CDH13: variants seen among roughly 807,000 people sequenced by gnomAD.
The protein encoded by CDH13 is cadherin 13.
CDH13 carries 24 observed loss-of-function variants against 63.8 expected under a neutral mutation model. The observed-to-expected ratio is 0.38, with a 90% CI of 0.27 to 0.53. CDH13 has a LOEUF of 0.53. Ranked by LOEUF, CDH13 falls within the 20% of genes least tolerant of loss-of-function variation. The pLI, the probability that CDH13 is intolerant of heterozygous loss-of-function variation, is 0.85. For synonymous variants in CDH13, 503 were observed against 355.3 expected (o/e 1.42, Z -4.67); for missense variants, 1,049 against 903.1 (o/e 1.16, Z -2.07).
At chr16:82,932,840 G>C (rs1272583865) in intron 2 of CDH13, among the ~76,000 whole-genome samples, 2 of 152,172 alleles carry the variant, frequency 1.3e-5, no homozygotes, top group South Asian at 4.1e-4. Flanking sequence ...ACAAATGTAA[G>C]ATTCCGTACT....
chr16:83,314,582 A>G (rs977684594), intron 5 of CDH13, among the ~76,000 whole-genome samples: 2 of 152,064 alleles, frequency 1.3e-5, no homozygotes, highest in Admixed American at 6.6e-5. Context: ...TATTTTTTTC[A>G]TCTACACTCT....
At chr16:83,395,499 G>C (rs1426404666) in intron 6 of CDH13, among the ~76,000 whole-genome samples, 2 of 152,096 alleles carry the variant, frequency 1.3e-5, no homozygotes, top group South Asian at 2.1e-4. Flanking sequence ...CCAGCTACTA[G>C]GTTTGACCTC....
At chr16:83,041,069 C>T (rs1022389151) in intron 3 of CDH13, among the ~76,000 whole-genome samples, 1 of 152,182 alleles carries the variant, frequency 6.6e-6, no homozygotes, top group Non-Finnish European at 1.5e-5. Context: ...GTCCACTTAA[C>T]AAACTCCAAA....
chr16:83,658,264 GT>G (rs1913073401), intron 8 of CDH13, among the ~76,000 whole-genome samples: 1 of 137,330 alleles, frequency 7.3e-6, no homozygotes, highest in African/African-American at 2.7e-5. Flanking sequence ...TCACCACCAG[GT>G]CCCGTATCCT....
At chr16:83,518,734 G>A (rs932737259) in intron 7 of CDH13, among the ~76,000 whole-genome samples, 1 of 152,060 alleles carries the variant, frequency 6.6e-6, no homozygotes, top group East Asian at 1.9e-4. Context: ...GCCTCCCAAA[G>A]TGCTGGGATT....
intron 7 of CDH13, among the ~76,000 whole-genome samples, chr16:83,496,714 G>A (rs2074153752): frequency 6.6e-6 from 1 of 152,166 alleles, no homozygotes; most frequent in Non-Finnish European, 1.5e-5. Flanking sequence ...TACCATCAGA[G>A]TGAACAGGCG....
At position 83,795,120 on chromosome 16, in the gene CDH13, G is replaced by A. The variant is rs766898431; in HGVS notation, c.*90G>A. The A allele has an allele frequency of 6.8e-5, 78 of 1,153,686 alleles. No homozygotes were observed. Among genetic ancestry groups the A allele is most frequent in the Non-Finnish European group, 9.0e-5 (73 of 809,426 alleles). 71.5% of individuals were successfully genotyped at this position (1,153,686 alleles called of 1,614,324 possible). A position where few individuals can be genotyped will look rare whatever the true frequency, so the allele number is the denominator to read the frequency against. On this transcript the variant is annotated 3_prime_UTR_variant, in exon 14 of 14. Transcript: ENST00000567109. Reference sequence around the variant, plus strand: ...CCAAATCTGAAGATTGCGGTTTACAGCTATCGAACTTCACAACTAGGCCTC... The same window carrying A: ...CCAAATCTGAAGATTGCGGTTTACAACTATCGAACTTCACAACTAGGCCTC...
chr16:82,628,360 G>T (rs1265026260), intron 1 of CDH13, among the ~76,000 whole-genome samples: 1 of 152,182 alleles, frequency 6.6e-6, no homozygotes. Flanking sequence ...AGGCTCAGGT[G>T]AGAGTTTGCG....
At chr16:82,803,632 T>C (rs2036985730) in intron 1 of CDH13, among the ~76,000 whole-genome samples, 1 of 152,154 alleles carries the variant, frequency 6.6e-6, no homozygotes, top group African/African-American at 2.4e-5. Flanking sequence ...CCGTGGGATA[T>C]CATTCAGTCA....
chr16:82,908,162 G>T (rs1427301146), intron 2 of CDH13, among the ~76,000 whole-genome samples: 2 of 152,106 alleles, frequency 1.3e-5, no homozygotes, highest in African/African-American at 4.8e-5. Flanking sequence ...GGTATGTTTT[G>T]AAATAAGAAA....
chr16:83,077,806 G>A (rs1432781143), intron 3 of CDH13, among the ~76,000 whole-genome samples: 4 of 152,122 alleles, frequency 2.6e-5, no homozygotes, highest in African/African-American at 7.2e-5. Flanking sequence ...TGAATTGGTC[G>A]ATCCTCTTCC....
Position 83,626,780 on chromosome 16 carries a change from G to A in CDH13, c.1101+24186G>A, listed in dbSNP as rs116483703. On this transcript the variant is annotated intron_variant, in intron 8 of 13. Coordinates refer to ENST00000567109, the MANE Select transcript of CDH13 (RefSeq NM_001257.5). ...AAGCAGACTTTGGGTCGAGACTGCC[G>A]AGTCTCTACTTTTACTGAATTTAGT... Among the ~76,000 whole-genome samples the A allele has an allele frequency of 5.8e-3, 889 of 152,096 alleles. 9 individuals carry two copies. The highest frequency in any genetic ancestry group is 0.02 in the African/African-American group (821 of 41,486).
At chr16:83,595,937 T>C (rs1170227399) in intron 7 of CDH13, among the ~76,000 whole-genome samples, 2 of 152,234 alleles carry the variant, frequency 1.3e-5, no homozygotes, top group Non-Finnish European at 2.9e-5. Flanking sequence ...ACGAAAGCGT[T>C]GAAGTCAGGG....
chr16:83,683,819 C>T (rs1427094586), intron 10 of CDH13, among the ~76,000 whole-genome samples: 1 of 152,144 alleles, frequency 6.6e-6, no homozygotes, highest in Non-Finnish European at 1.5e-5. Context: ...TATGTCTAGG[C>T]AGTCAAATTT....
rs558802970 is a variant in CDH13 at position 83,234,147 on chromosome 16, C to G, written c.636+16650C>G. Among the ~76,000 whole-genome samples the G allele has an allele frequency of 8.5e-5, 13 of 152,346 alleles. No homozygotes were observed. The South Asian group carries it at 2.7e-3, about 32-fold the overall frequency. On this transcript the variant is annotated intron_variant, in intron 5 of 13. Transcript: ENST00000567109. ...ACCCTAGATTCTTGCTCTGAAAGCT[C>G]ATAGGCAGTGTGTGGCAACACTGGT...
chr16:83,566,913 T>G, intron 7 of CDH13, among the ~76,000 whole-genome samples: 1 of 152,156 alleles, frequency 6.6e-6, no homozygotes, highest in South Asian at 2.1e-4. Flanking sequence ...GAAAGAGGAA[T>G]GCTTTCCTTA....
chr16:82,676,838 G>C (rs1040161243), intron 1 of CDH13, among the ~76,000 whole-genome samples: 1 of 151,620 alleles, frequency 6.6e-6, no homozygotes, highest in Non-Finnish European at 1.5e-5. Context: ...ATGCACAAAG[G>C]TATTTACACA....
chr16:82,754,702 G>A lies in CDH13; in HGVS notation c.46-103660G>A, dbSNP rs146474759. 6.8e-3 allele frequency among the ~76,000 whole-genome samples: 1,038 copies of A among 152,216 alleles called. 4 individuals carry two copies. The highest frequency in any genetic ancestry group is 0.01 in the Middle Eastern group (3 of 294). On this transcript the variant is annotated intron_variant, in intron 1 of 13. Transcript: ENST00000567109. Reference sequence around the variant, plus strand: ...TCTAAGCAGCTCTACCTTTTGTTACGATGATTATATGGCAAAATGCAAAAC... The same window carrying A: ...TCTAAGCAGCTCTACCTTTTGTTACAATGATTATATGGCAAAATGCAAAAC...
chr16:83,625,001 G>A (rs1030039679), intron 8 of CDH13, among the ~76,000 whole-genome samples: 1 of 152,188 alleles, frequency 6.6e-6, no homozygotes, highest in Non-Finnish European at 1.5e-5. Context: ...CGGTGATATC[G>A]AGTACATAGC....
Sources: allele counts gnomAD v4.1 joint callset (sites outside exome capture counted in the v4.1 genomes callset), GRCh38; gene constraint gnomAD v4.1.1; transcripts MANE v1.5; gene names NCBI Gene and HGNC (gene_info 2026-07-23, HGNC 2026-07-21).